DHRSX: variants seen among roughly 807,000 people sequenced by gnomAD.
DHRSX encodes polyprenol dehydrogenase.
In DHRSX, 31 loss-of-function variants were observed where a neutral mutation model predicts 34.0. The observed-to-expected ratio is 0.91, with a 90% CI of 0.69 to 1.23. The LOEUF is 1.23. Among genes scored for constraint, DHRSX ranks in the 50% most tolerant of loss-of-function variants. The pLI is 0.00. For missense variants in DHRSX, 414 were observed against 428.1 expected, an observed-to-expected ratio of 0.97 and a Z score of 0.29; for synonymous variants, 201 against 183.8, an observed-to-expected ratio of 1.09 and a Z score of -0.76.
At chrX:2,422,953 C>T (rs1234407966) in intron 2 of DHRSX, among the ~76,000 whole-genome samples, 1 of 151,918 alleles carries the variant, frequency 6.6e-6, no homozygotes, top group Non-Finnish European at 1.5e-5. Flanking sequence ...CAGGCACTCA[C>T]CCCCAAGCCC....
chrX:2,471,164 GACAGCTGTGACATATTTA>G (rs2044586940), intron 1 of DHRSX, among the ~76,000 whole-genome samples: 1 of 152,060 alleles, frequency 6.6e-6, no homozygotes, highest in South Asian at 2.1e-4. Flanking sequence ...CAGTTTCAAG[GACAGCTGTGACATATTTA>G]ACAGTGTTTC....
At chrX:2,486,124 C>G (rs1285160169) in intron 1 of DHRSX, among the ~76,000 whole-genome samples, 1 of 152,076 alleles carries the variant, frequency 6.6e-6, no homozygotes, top group African/African-American at 2.4e-5. Context: ...GTTTATACAA[C>G]TATCCACTAA....
chrX:2,387,275 G>A (rs1295929963), intron 3 of DHRSX, among the ~76,000 whole-genome samples: 1 of 152,178 alleles, frequency 6.6e-6, no homozygotes, highest in Non-Finnish European at 1.5e-5. Flanking sequence ...TGAGGCAGCA[G>A]GGTTATAGAT....
intron 3 of DHRSX, among the ~76,000 whole-genome samples, chrX:2,403,299 A>G (rs2043510653): frequency 6.6e-6 from 1 of 152,134 alleles, no homozygotes; most frequent in Admixed American, 6.5e-5. Flanking sequence ...CCCATTAACC[A>G]TCTCCACGGC....
At chrX:2,232,802 G>A (rs2015927164) in intron 6 of DHRSX, among the ~76,000 whole-genome samples, 2 of 151,888 alleles carry the variant, frequency 1.3e-5, no homozygotes, top group Non-Finnish European at 2.9e-5. Flanking sequence ...TCGAACTCCT[G>A]ACCTCATGAT....
chrX:2,469,777 C>T (rs752389224), intron 1 of DHRSX, among the ~76,000 whole-genome samples: 2 of 152,210 alleles, frequency 1.3e-5, no homozygotes, highest in South Asian at 4.2e-4. Context: ...GAAAACGTTC[C>T]CTAAGAATGT....
intron 5 of DHRSX, among the ~76,000 whole-genome samples, chrX:2,246,944 G>A (rs2016312095): frequency 6.6e-6 from 1 of 152,078 alleles, no homozygotes; most frequent in Non-Finnish European, 1.5e-5. Context: ...AGAGACTGAT[G>A]TTGGTTTTTG....
intron 3 of DHRSX, among the ~76,000 whole-genome samples, chrX:2,345,264 A>C (rs1167605500): frequency 2.6e-5 from 4 of 152,114 alleles, no homozygotes; most frequent in African/African-American, 9.7e-5. Flanking sequence ...AGGTTGCTTT[A>C]AATGAGATAA....
chrX:2,241,889 C>T (rs2016149352), intron 6 of DHRSX, among the ~76,000 whole-genome samples: 1 of 152,136 alleles, frequency 6.6e-6, no homozygotes, highest in African/African-American at 2.4e-5. Flanking sequence ...CTCTGGGCAA[C>T]ACAGAACGAA....
At position 2,499,511 on chromosome X, in the gene DHRSX, C is replaced by G. The variant is rs182586241; in HGVS notation, c.109+1306G>C. The stretch of plus-strand genomic sequence containing the variant: ...TGGGCTGGGCACAGTGGCGCTCTGT[C>G]TGTAATCCCAGCAGTTTGGGAGGCC... On this transcript the variant is annotated intron_variant, in intron 1 of 6. Coordinates refer to ENST00000334651, the MANE Select transcript of DHRSX (RefSeq NM_145177.3). Among the ~76,000 whole-genome samples, 532 of 152,334 alleles carry G rather than the reference C, an allele frequency of 3.5e-3. 10 individuals carry two copies. Among genetic ancestry groups the G allele is most frequent in the Admixed American group, 0.03 (454 of 15,292 alleles).
In DHRSX at chrX:2,425,302, A is replaced by C; in HGVS notation, c.112T>G (p.Phe38Val). 2 of 1,611,464 alleles carry C rather than the reference A, an allele frequency of 1.2e-6. No homozygotes were observed. The highest frequency in any genetic ancestry group is 1.7e-6 in the Non-Finnish European group (2 of 1,178,196). Residue 38 changes from phenylalanine (F) to valine (V), a missense_variant and splice_region_variant, in exon 2 of 7, where the codon TTC (phenylalanine) becomes GTC (valine). Physicochemically the swap from Phe to Val is conservative, Grantham distance 50. Transcript: ENST00000334651. ...GCGACACGGTCAGGTCGTGGGGGGA[A>C]AACTGAAAAAGAAGAAGAGAAAATC... ...RCRGGFLEPV[F>V]PPRPDRVAIV...
At chrX:2,469,317 A>C (rs1313936154) in intron 1 of DHRSX, among the ~76,000 whole-genome samples, 1 of 151,590 alleles carries the variant, frequency 6.6e-6, no homozygotes, top group Non-Finnish European at 1.5e-5. Flanking sequence ...AATGTGGATA[A>C]GGGACCGCCG....
chrX:2,445,573 T>C (rs1291535989), intron 1 of DHRSX, among the ~76,000 whole-genome samples: 1 of 152,132 alleles, frequency 6.6e-6, no homozygotes, highest in African/African-American at 2.4e-5. Flanking sequence ...ACTGAAGACT[T>C]TCCCTAAGAA....
intron 6 of DHRSX, among the ~76,000 whole-genome samples, chrX:2,227,115 G>T (rs1234283954): frequency 6.6e-6 from 1 of 152,052 alleles, no homozygotes; most frequent in Non-Finnish European, 1.5e-5. Context: ...AGCCAGCCCT[G>T]CACCCACATC....
intron 3 of DHRSX, among the ~76,000 whole-genome samples, chrX:2,354,922 C>CGT (rs1355418804): frequency 6.6e-6 from 1 of 152,028 alleles, no homozygotes; most frequent in Non-Finnish European, 1.5e-5. Flanking sequence ...AATAAATGCC[C>CGT]GTATGGAGGG....
At chrX:2,448,962 G>A (rs924242374) in intron 1 of DHRSX, among the ~76,000 whole-genome samples, 2 of 152,202 alleles carry the variant, frequency 1.3e-5, no homozygotes, top group African/African-American at 4.8e-5. Flanking sequence ...GCTGAGGCGG[G>A]TGGATCACCT....
chrX:2,478,620 G>C (rs776498404), intron 1 of DHRSX, among the ~76,000 whole-genome samples: 1 of 151,992 alleles, frequency 6.6e-6, no homozygotes, highest in South Asian at 2.1e-4. Flanking sequence ...ATGTGGTTGA[G>C]GGACCGCACT....
At chrX:2,287,935 G>GA (rs1367581503) in intron 4 of DHRSX, among the ~76,000 whole-genome samples, 6 of 152,080 alleles carry the variant, frequency 3.9e-5, no homozygotes, top group African/African-American at 1.4e-4. Flanking sequence ...CTCAAAAGAT[G>GA]AAAAAATGTC....
chrX:2,366,047 C>T (rs1286732894), intron 3 of DHRSX, among the ~76,000 whole-genome samples: 1 of 152,186 alleles, frequency 6.6e-6, no homozygotes, highest in Non-Finnish European at 1.5e-5. Context: ...ATCTCTTCAC[C>T]ACACGGCCAA....
Sources: allele counts gnomAD v4.1 joint callset (sites outside exome capture counted in the v4.1 genomes callset), GRCh38; gene constraint gnomAD v4.1.1; transcripts MANE v1.5; gene names NCBI Gene and HGNC (gene_info 2026-07-23, HGNC 2026-07-21).